SORCS2: variants seen among roughly 807,000 people sequenced by gnomAD.
SORCS2 encodes the protein VPS10 domain-containing receptor SorCS2.
SORCS2 carries 100 observed loss-of-function variants against 141.6 expected under a neutral mutation model. That is an observed-to-expected ratio of 0.71 (90% CI 0.60 to 0.83). The LOEUF (loss-of-function observed/expected upper bound fraction) is 0.83. Among genes scored for constraint, SORCS2 ranks in the 40% least tolerant of loss-of-function variants. The pLI is 0.00. For synonymous variants in SORCS2, 789 were observed against 676.9 expected, an observed-to-expected ratio of 1.17 and a Z score of -2.57; for missense variants, 1,646 against 1,560.2, an observed-to-expected ratio of 1.05 and a Z score of -0.93.
At chr4:7,400,916 TGAATG>T (rs1339933953) in intron 2 of SORCS2, among the ~76,000 whole-genome samples, 1 of 151,012 alleles carries the variant, frequency 6.6e-6, no homozygotes, top group African/African-American at 2.4e-5. Flanking sequence ...GATGGATAGA[TGAATG>T]GAGAGATGGA....
intron 10 of SORCS2, among the ~76,000 whole-genome samples, chr4:7,686,298 G>A (rs981694725): frequency 1.3e-5 from 2 of 152,240 alleles, no homozygotes; most frequent in African/African-American, 4.8e-5. Context: ...GCAGTCCATG[G>A]TCACTCTTCT....
intron 1 of SORCS2, among the ~76,000 whole-genome samples, chr4:7,320,129 T>G (rs1718806525): frequency 7.4e-6 from 1 of 134,374 alleles, no homozygotes; most frequent in Admixed American, 7.6e-5. Context: ...ATAGCAAGAC[T>G]TTGTCTCTAC....
intron 2 of SORCS2, among the ~76,000 whole-genome samples, chr4:7,454,552 C>A (rs1350177972): frequency 1.9e-5 from 2 of 107,646 alleles, no homozygotes; most frequent in Admixed American, 9.6e-5. Context: ...TGGGGTCAGG[C>A]ACTGTGTTGG....
chr4:7,421,433 T>C (rs1255981991), intron 2 of SORCS2, among the ~76,000 whole-genome samples: 1 of 152,226 alleles, frequency 6.6e-6, no homozygotes, highest in Non-Finnish European at 1.5e-5. Flanking sequence ...CCTGGTTTAC[T>C]GCATCTGTGA....
intron 1 of SORCS2, among the ~76,000 whole-genome samples, chr4:7,275,301 G>T (rs11730258): frequency 2.0e-5 from 3 of 152,324 alleles, no homozygotes; most frequent in African/African-American, 7.2e-5. Flanking sequence ...CAGGGCTGTA[G>T]GGTTGAGGGC....
At chr4:7,536,067 A>G (rs1002604790) in intron 3 of SORCS2, among the ~76,000 whole-genome samples, 2 of 152,212 alleles carry the variant, frequency 1.3e-5, no homozygotes, top group African/African-American at 2.4e-5. Context: ...AGAGGTGTGG[A>G]CGGGCCACGT....
chr4:7,699,476 C>T (rs567622937), intron 12 of SORCS2, among the ~76,000 whole-genome samples: 2 of 152,156 alleles, frequency 1.3e-5, no homozygotes, highest in Non-Finnish European at 2.9e-5. Context: ...TGCACCGGCT[C>T]AGGGGGCCAG....
chr4:7,703,292 G>A lies in SORCS2; in HGVS notation c.1681G>A (p.Glu561Lys). ...CTCTCCTCTGCAGGTGTTTGAGGAAGAGCATCACATCCTGTACCTGGACCA... is the reference window on the plus strand; with the variant it reads ...CTCTCCTCTGCAGGTGTTTGAGGAAAAGCATCACATCCTGTACCTGGACCA... ...GHTWRQVFEE[E>K]HHILYLDHGG... Residue 561 changes from glutamate to lysine, a missense_variant, in exon 13 of 27, where the codon GAG becomes AAG. By Grantham distance (56) the Glu-to-Lys change is moderately conservative. Coordinates refer to ENST00000507866, the MANE Select transcript of SORCS2 (RefSeq NM_020777.3). 6.2e-7 allele frequency: 1 copy of A among 1,612,412 alleles called. No homozygotes were observed.
chr4:7,193,218 A>T lies in SORCS2; in HGVS notation c.480+92A>T. ...GCCACGGCCCCCACCCCAGATCCCC[A>T]CTATGGTCATCAGGGGCGGGTTCTT... On this transcript the variant is annotated intron_variant, in intron 1 of 26. Transcript: ENST00000507866. This position sits in a 1 kb window ranked among gnomAD's most constrained non-coding sequence, Gnocchi z 4.8. The T allele has an allele frequency of 7.7e-7, 1 of 1,306,884 alleles. No individual in the cohort carries two copies. The highest frequency in any genetic ancestry group is 9.7e-7 in the Non-Finnish European group (1 of 1,027,116). 81.0% of individuals were successfully genotyped at this position (1,306,884 alleles called of 1,614,324 possible). A position where few individuals can be genotyped will look rare whatever the true frequency, so the allele number is the denominator to read the frequency against.
At chr4:7,374,396 T>C (rs1210947377) in intron 1 of SORCS2, among the ~76,000 whole-genome samples, 2 of 152,084 alleles carry the variant, frequency 1.3e-5, no homozygotes, top group African/African-American at 4.8e-5. Context: ...AGCCCGGGTC[T>C]GAAAGTGGCG....
At chr4:7,195,949 T>A (rs1727143342) in intron 1 of SORCS2, among the ~76,000 whole-genome samples, 1 of 152,222 alleles carries the variant, frequency 6.6e-6, no homozygotes, top group Non-Finnish European at 1.5e-5. Flanking sequence ...ATATCAGGTG[T>A]TCTTCAAAAT....
At chr4:7,465,377 G>A (rs376421005) in intron 2 of SORCS2, among the ~76,000 whole-genome samples, 28 of 152,122 alleles carry the variant, frequency 1.8e-4, no homozygotes, top group Admixed American at 9.2e-4. Flanking sequence ...TGTGGTATTC[G>A]GGCTTTATCC....
chr4:7,265,371 G>A (rs1179268055), intron 1 of SORCS2, among the ~76,000 whole-genome samples: 1 of 152,152 alleles, frequency 6.6e-6, no homozygotes, highest in Non-Finnish European at 1.5e-5. Context: ...TGTGCCTGTG[G>A]TCCCAGCTAC....
chr4:7,610,958 C>T (rs1288592896), intron 3 of SORCS2, among the ~76,000 whole-genome samples: 1 of 152,136 alleles, frequency 6.6e-6, no homozygotes, highest in Admixed American at 6.5e-5. Context: ...GGCCATTCAT[C>T]AACATCTCCA....
At chr4:7,554,034 T>A (rs552800107) in intron 3 of SORCS2, among the ~76,000 whole-genome samples, 2 of 152,122 alleles carry the variant, frequency 1.3e-5, no homozygotes, top group Admixed American at 6.5e-5. Flanking sequence ...TCAGGGCCTA[T>A]GAAACAACCA....
chr4:7,480,286 G>C (rs1476560484), intron 2 of SORCS2, among the ~76,000 whole-genome samples: 2 of 152,244 alleles, frequency 1.3e-5, no homozygotes, highest in African/African-American at 2.4e-5. Flanking sequence ...TGTGTGCAGA[G>C]AGGATGGATG....
intron 1 of SORCS2, among the ~76,000 whole-genome samples, chr4:7,314,217 C>G (rs1718389486): frequency 6.6e-6 from 1 of 152,176 alleles, no homozygotes; most frequent in African/African-American, 2.4e-5. Flanking sequence ...GCCTTGCTCT[C>G]AAGCTCCACT....
chr4:7,244,095 G>A (rs1577315807), intron 1 of SORCS2, among the ~76,000 whole-genome samples: 2 of 152,312 alleles, frequency 1.3e-5, no homozygotes, highest in East Asian at 3.9e-4. Context: ...TGCATGGAAC[G>A]GGAAAGAGGG....
intron 2 of SORCS2, among the ~76,000 whole-genome samples, chr4:7,398,011 C>T (rs1724325529): frequency 6.6e-6 from 1 of 152,254 alleles, no homozygotes; most frequent in South Asian, 2.1e-4. Context: ...CCTCCCCTCA[C>T]TGCAGCCTCT....
Sources: gnomAD v4.1 joint callset for allele counts (sites outside exome capture counted in the v4.1 genomes callset) on GRCh38, gnomAD v4.1.1 for gene constraint, Gnocchi (gnomAD v3.1) non-coding constraint, MANE v1.5 for transcripts, NCBI Gene and HGNC (gene_info 2026-07-23, HGNC 2026-07-21) for gene names.